SYNJ2: variants seen among roughly 807,000 people sequenced by gnomAD.
SYNJ2 encodes synaptojanin 2.
SYNJ2 carries 116 observed loss-of-function variants against 141.3 expected under a neutral mutation model. The observed-to-expected ratio is 0.82, with a 90% CI of 0.71 to 0.96. The LOEUF (loss-of-function observed/expected upper bound fraction) is 0.96, where lower values mean the gene tolerates loss of function less well. SYNJ2 is among the 40% of genes least tolerant of loss of function. SYNJ2 has a pLI of 0.00. For missense variants in SYNJ2, 1,873 were observed against 1,934.8 expected (o/e 0.97, Z 0.60); for synonymous variants, 745 against 777.7 (o/e 0.96, Z 0.70).
rs1369626964 is a variant in SYNJ2 at position 158,090,074 on chromosome 6, C to T, written c.3565+127C>T. The T allele has an allele frequency of 2.2e-5, 14 of 646,612 alleles. No individual in the cohort carries two copies. In the South Asian group the frequency reaches 2.6e-4, roughly 12 times the overall value. 40.1% of individuals were successfully genotyped at this position (646,612 alleles called of 1,614,324 possible). A position where few individuals can be genotyped will look rare whatever the true frequency, so the allele number is the denominator to read the frequency against. Reference sequence around the variant, plus strand: ...TGGAGGCAATATTAAATGAAAACATCCTTTAGCAACATTTTATATAAATCT... The same window carrying T: ...TGGAGGCAATATTAAATGAAAACATTCTTTAGCAACATTTTATATAAATCT... On this transcript the variant is annotated intron_variant, in intron 25 of 26. Coordinates refer to ENST00000355585, the MANE Select transcript of SYNJ2 (RefSeq NM_003898.4).
Position 158,076,653 on chromosome 6 carries a change from A to G in SYNJ2, c.2320A>G (p.Ile774Val). The part of the protein sequence containing the change: ...KIFKDFHEGA[I>V]NFGPTYKYDV... ...TTTTAAGGACTTTCACGAAGGAGCC[A>G]TTAACTTTGGACCCACCTACAAGTA... is the stretch of plus-strand genomic sequence containing the variant. Residue 774 changes from isoleucine (I) to valine (V), a missense_variant, in exon 17 of 27, where the codon ATT becomes GTT. By Grantham distance (29) the Ile-to-Val change is conservative. Coordinates refer to ENST00000355585, the MANE Select transcript of SYNJ2 (RefSeq NM_003898.4). The G allele has an allele frequency of 1.2e-6, 2 of 1,613,962 alleles. No homozygotes were observed. Among genetic ancestry groups the G allele is most frequent in the South Asian group, 1.1e-5 (1 of 91,060 alleles).
chr6:158,033,494 G>A lies in SYNJ2; in HGVS notation c.525G>A (p.Val175=), dbSNP rs1240940989. The change falls in exon 4 of 27, where the codon GTG becomes GTA. Residue 175 remains valine, a synonymous_variant. Coordinates refer to ENST00000355585, the MANE Select transcript of SYNJ2 (RefSeq NM_003898.4). The stretch of plus-strand genomic sequence containing the variant: ...ACGTGCCCTTGAGGCAGCACCAGGT[G>A]AGCTGCTGTGACTGGCTGCTGAAGA... ...LLHVPLRQHQ[V]SCCDWLLKII... The A allele has an allele frequency of 3.1e-6, 5 of 1,614,224 alleles. No homozygotes were observed. The South Asian group carries it at 5.5e-5, about 18-fold the overall frequency.
chr6:158,043,381 G>A lies in SYNJ2; in HGVS notation c.777G>A (p.Trp259Ter). The change falls in exon 5 of 27, where the codon TGG (tryptophan) becomes TGA (stop). Residue 259 changes from tryptophan to a stop codon, truncating the protein, a stop_gained. Coordinates refer to ENST00000355585, the MANE Select transcript of SYNJ2 (RefSeq NM_003898.4). LOFTEE classifies it high-confidence loss of function. This position sits in a 1 kb window ranked among gnomAD's most constrained non-coding sequence, Gnocchi z 4.0. ...TCAGAGGCTCCGTTCCGCTGTTCTG[G>A]GAACAGCCAGGGCTTCAGGTAGGTC... ...VQIRGSVPLF[W>*]EQPGLQVGSH... 6.2e-7 allele frequency: 1 copy of A among 1,613,862 alleles called. No individual in the cohort carries two copies. The highest frequency in any genetic ancestry group is 1.1e-5 in the South Asian group (1 of 91,052).
At chr6:157,994,067 G>A (rs979203997) in intron 1 of SYNJ2, among the ~76,000 whole-genome samples, 5 of 151,830 alleles carry the variant, frequency 3.3e-5, no homozygotes, top group South Asian at 4.2e-4. Flanking sequence ...CACCTGCCTC[G>A]GACTTCAAAA....
chr6:158,004,062 G>A (rs183250412), intron 1 of SYNJ2, among the ~76,000 whole-genome samples: 57 of 152,268 alleles, frequency 3.7e-4, no homozygotes, highest in African/African-American at 1.4e-3. Context: ...CAGGTTACCA[G>A]GGAAACAGGA....
At chr6:158,031,187 T>G (rs1287300890) in intron 3 of SYNJ2, among the ~76,000 whole-genome samples, 3 of 152,184 alleles carry the variant, frequency 2.0e-5, no homozygotes, top group African/African-American at 7.2e-5. Flanking sequence ...ATGAGGTATC[T>G]TTGTGTGGAG....
intron 9 of SYNJ2, 58 bp from the exon 10 acceptor site, chr6:158,064,543 G>C (rs1781437887): frequency 1.3e-6 from 2 of 1,596,688 alleles, no homozygotes; most frequent in African/African-American, 2.7e-5. Context: ...TCCTGGGACA[G>C]TGGCTGCAGG....
chr6:158,071,533 C>G lies in SYNJ2; in HGVS notation c.1941-69C>G. 6.4e-7 allele frequency: 1 copy of G among 1,552,144 alleles called. No individual in the cohort carries two copies. Among genetic ancestry groups the G allele is most frequent in the South Asian group, 1.2e-5 (1 of 81,566 alleles). ...GGTCCCGAGCTGCTGCTGGGCCCTT[C>G]TCTGTGGCAAAGCAGGGTCACACTT... On this transcript the variant is annotated intron_variant, in intron 14 of 26. Coordinates refer to ENST00000355585, the MANE Select transcript of SYNJ2 (RefSeq NM_003898.4). The surrounding 1 kb of genome is among the most constrained non-coding windows in gnomAD (Gnocchi z 4.3).
chr6:157,997,395 A>C (rs776122912), intron 1 of SYNJ2, among the ~76,000 whole-genome samples: 8 of 152,216 alleles, frequency 5.3e-5, no homozygotes, highest in Non-Finnish European at 7.3e-5. Flanking sequence ...TAAGAAGAAA[A>C]GGGACACAGG....
At chr6:157,984,979 C>T (rs953592451) in intron 1 of SYNJ2, among the ~76,000 whole-genome samples, 3 of 152,198 alleles carry the variant, frequency 2.0e-5, no homozygotes, top group African/African-American at 4.8e-5. Context: ...CATCCTGCTC[C>T]GCTGCGGATG....
In SYNJ2 at chr6:158,043,859, CT is replaced by C. The variant is rs557114489; in HGVS notation, c.795+463del. 2.6e-3 allele frequency among the ~76,000 whole-genome samples: 392 copies of C among 152,320 alleles called. No homozygotes were observed. Among genetic ancestry groups the C allele is most frequent in the African/African-American group, 9.1e-3 (378 of 41,578 alleles). ...GTGGGGCCACGTGAGACTTCCACAG[CT>C]TTCCCGTGATTTCTAAAAATACCCC... On this transcript the variant is annotated intron_variant, in intron 5 of 26. Coordinates refer to ENST00000355585, the MANE Select transcript of SYNJ2 (RefSeq NM_003898.4). This position sits in a 1 kb window ranked among gnomAD's most constrained non-coding sequence, Gnocchi z 4.0.
In SYNJ2 at chr6:158,017,279, G is replaced by A. The variant is rs1318740215; in HGVS notation, c.203G>A (p.Arg68Lys). 1.2e-6 allele frequency: 2 copies of A among 1,613,552 alleles called. No homozygotes were observed. The highest frequency in any genetic ancestry group is 3.3e-5 in the Admixed American group (2 of 59,972). The change falls in exon 2 of 27, where the codon AGG becomes AAG. Residue 68 changes from arginine to lysine, a missense_variant. Physicochemically the swap from Arg to Lys is conservative, Grantham distance 26. Transcript: ENST00000355585. ...TDAYGCLGEL[R>K]LKSGGTSLSF... ...GCGTACGGCTGCCTGGGGGAGCTGA[G>A]GCTGAAATCTGGTGAGTAGCCGCTC...
chr6:158,066,824 C>T, intron 12 of SYNJ2, 189 bp downstream of exon 12: 1 of 659,902 alleles, frequency 1.5e-6, no homozygotes, highest in Non-Finnish European at 2.6e-6. Context: ...TTTTTCCTTT[C>T]CCAGATGTTT....
intron 5 of SYNJ2, among the ~76,000 whole-genome samples, chr6:158,046,892 C>T (rs1780264712): frequency 6.7e-6 from 1 of 149,652 alleles, no homozygotes; most frequent in Non-Finnish European, 1.5e-5. Context: ...GTAGAAGCTT[C>T]CCCCCACCAT....
intron 1 of SYNJ2, among the ~76,000 whole-genome samples, chr6:157,991,919 T>TATC (rs58997950): frequency 0.52 from 78,690 of 151,766 alleles, 21,031 homozygotes; most frequent in African/African-American, 0.66. Context: ...TTGATTAAAA[T>TATC]ATGGACTGTG....
chr6:157,989,812 G>A (rs1299124551), intron 1 of SYNJ2, among the ~76,000 whole-genome samples: 1 of 152,170 alleles, frequency 6.6e-6, no homozygotes, highest in Non-Finnish European at 1.5e-5. Flanking sequence ...AGACTGGGTC[G>A]GCTCCAAGAT....
intron 1 of SYNJ2, among the ~76,000 whole-genome samples, chr6:157,991,240 A>AG (rs1462773957): frequency 6.6e-6 from 1 of 152,200 alleles, no homozygotes; most frequent in Non-Finnish European, 1.5e-5. Flanking sequence ...AACCTTAAGG[A>AG]GATTGGCTGA....
At chr6:157,996,565 C>G (rs1368045265) in intron 1 of SYNJ2, among the ~76,000 whole-genome samples, 1 of 152,158 alleles carries the variant, frequency 6.6e-6, no homozygotes, top group Non-Finnish European at 1.5e-5. Flanking sequence ...CACTCCCTCC[C>G]CCAGGTGATA....
In SYNJ2 at chr6:158,017,264, G is replaced by C. The variant is rs771187696; in HGVS notation, c.188G>C (p.Cys63Ser). 9.2e-5 allele frequency: 148 copies of C among 1,613,868 alleles called. No individual in the cohort carries two copies. In the South Asian group the frequency reaches 1.5e-3, roughly 16 times the overall value. ...GGCAAGCTCACGGACGCGTACGGCT[G>C]CCTGGGGGAGCTGAGGCTGAAATCT... ...QYGKLTDAYG[C>S]LGELRLKSGG... The change falls in exon 2 of 27, where the codon TGC (cysteine) becomes TCC (serine). Residue 63 changes from cysteine (C) to serine (S), a missense_variant. Physicochemically the swap from Cys to Ser is moderately radical, Grantham distance 112. Transcript: ENST00000355585.
Sources: allele counts gnomAD v4.1 joint callset (sites outside exome capture counted in the v4.1 genomes callset), GRCh38; gene constraint gnomAD v4.1.1; non-coding constraint Gnocchi (gnomAD v3.1); transcripts MANE v1.5; gene names NCBI Gene and HGNC (gene_info 2026-07-23, HGNC 2026-07-21).